Variants in PTPRD observed in about 807,000 individuals in gnomAD.
The protein encoded by PTPRD is protein tyrosine phosphatase receptor type D, also known as receptor-type tyrosine-protein phosphatase delta.
Under a neutral mutation model 214.5 loss-of-function variants are expected in PTPRD, and 34 were observed. The observed-to-expected ratio is 0.16, with a 90% CI of 0.12 to 0.21. The LOEUF (loss-of-function observed/expected upper bound fraction) is 0.21. Among genes scored for constraint, PTPRD ranks in the 10% least tolerant of loss-of-function variants. The probability of loss-of-function intolerance (pLI) is 1.00; values close to 1 mark genes in which losing one functional copy is unlikely to be tolerated. For synonymous variants in PTPRD, 1,128 were observed against 845.7 expected, an observed-to-expected ratio of 1.33 and a Z score of -5.79; for missense variants, 2,545 against 2,398.7, an observed-to-expected ratio of 1.06 and a Z score of -1.27.
In PTPRD at chr9:8,383,350, G is replaced by A. The variant is rs117530128; in HGVS notation, c.4386+5882C>T. ...TCATTAGGTCAGAAGTGTTCCACCA[G>A]CCAAATGTCAAGTTCCCTAAACTGT... On this transcript the variant is annotated intron_variant, in intron 37 of 45. Transcript: ENST00000381196. Among the ~76,000 whole-genome samples, 605 of 152,254 alleles carry A rather than the reference G, an allele frequency of 4.0e-3. 2 individuals are homozygous for A. The highest frequency in any genetic ancestry group is 6.4e-3 in the Non-Finnish European group (437 of 68,020).
intron 12 of PTPRD, among the ~76,000 whole-genome samples, chr9:8,681,955 C>A (rs887414372): frequency 3.9e-5 from 6 of 152,098 alleles, no homozygotes; most frequent in African/African-American, 1.2e-4. Context: ...TAGGAGAAGA[C>A]AATGGAAATC....
At chr9:9,394,720 G>A (rs1443137553) in intron 9 of PTPRD, among the ~76,000 whole-genome samples, 2 of 151,944 alleles carry the variant, frequency 1.3e-5, no homozygotes, top group Non-Finnish European at 2.9e-5. Context: ...ATACATTATT[G>A]ATTTAAAGAA....
chr9:10,515,415 C>T (rs946520217), intron 2 of PTPRD, among the ~76,000 whole-genome samples: 3 of 92,844 alleles, frequency 3.2e-5, no homozygotes, highest in Non-Finnish European at 8.9e-5. Flanking sequence ...AAGGGCAACG[C>T]CATTTGGCGA....
rs149891100 is a variant in PTPRD, at chr9:10,531,731, G to C, written c.-600+80667C>G. Reference sequence around the variant, plus strand: ...ATGGCTCAACTGGGTGCAATTTTCTGTGTTCATTTAGTGTTTCTCCATGAC... The same window carrying C: ...ATGGCTCAACTGGGTGCAATTTTCTCTGTTCATTTAGTGTTTCTCCATGAC... On this transcript the variant is annotated intron_variant, in intron 2 of 45. Coordinates refer to ENST00000381196, the MANE Select transcript of PTPRD (RefSeq NM_002839.4). 3.4e-3 allele frequency among the ~76,000 whole-genome samples: 524 copies of C among 152,254 alleles called. 1 individual carries two copies. Among genetic ancestry groups the C allele is most frequent in the Non-Finnish European group, 5.9e-3 (398 of 68,014 alleles).
At chr9:8,490,280 T>C (rs915951824) in intron 27 of PTPRD, among the ~76,000 whole-genome samples, 7 of 152,222 alleles carry the variant, frequency 4.6e-5, no homozygotes, top group African/African-American at 1.7e-4. Flanking sequence ...TACATTTTCT[T>C]ATTCTCTTAC....
intron 14 of PTPRD, among the ~76,000 whole-genome samples, chr9:8,607,566 C>G (rs557490814): frequency 9.2e-5 from 14 of 152,196 alleles, no homozygotes; most frequent in African/African-American, 3.4e-4. Flanking sequence ...TTGCTTGAGC[C>G]CGGGAGGGAG....
At chr9:9,242,957 C>G (rs558232229) in intron 9 of PTPRD, among the ~76,000 whole-genome samples, 8 of 151,948 alleles carry the variant, frequency 5.3e-5, no homozygotes, top group Admixed American at 5.2e-4. Context: ...TGTTTTTTTC[C>G]CCATCTTTGT....
intron 8 of PTPRD, among the ~76,000 whole-genome samples, chr9:9,526,811 C>A (rs694959): frequency 0.83 from 126,342 of 152,102 alleles, 53,864 homozygotes; most frequent in East Asian, 1. Flanking sequence ...GTTCTGATTT[C>A]TGGTCACCTA....
chr9:9,562,707 C>T (rs1186838968), intron 8 of PTPRD, among the ~76,000 whole-genome samples: 2 of 152,010 alleles, frequency 1.3e-5, no homozygotes, highest in Non-Finnish European at 2.9e-5. Context: ...CAAATTTGCC[C>T]AAATCTGTTG....
intron 2 of PTPRD, among the ~76,000 whole-genome samples, chr9:10,381,115 A>G (rs1339653922): frequency 6.6e-6 from 1 of 151,884 alleles, no homozygotes; most frequent in East Asian, 1.9e-4. Flanking sequence ...AAAAAAAGAC[A>G]AAAAGTAACC....
intron 10 of PTPRD, among the ~76,000 whole-genome samples, chr9:9,043,342 C>A (rs891519480): frequency 2.3e-4 from 35 of 152,086 alleles, no homozygotes; most frequent in Non-Finnish European, 4.6e-4. Flanking sequence ...ATTTTAAGAG[C>A]ACCTTTGTTA....
At chr9:8,559,228 TG>T (rs1159703617) in intron 14 of PTPRD, among the ~76,000 whole-genome samples, 3 of 152,220 alleles carry the variant, frequency 2.0e-5, no homozygotes, top group African/African-American at 7.2e-5. Flanking sequence ...AGTAATTCGT[TG>T]TTTATTTCAA....
chr9:8,827,364 T>C (rs2154528611), intron 11 of PTPRD, among the ~76,000 whole-genome samples: 1 of 152,322 alleles, frequency 6.6e-6, no homozygotes, highest in South Asian at 2.1e-4. Context: ...CCCAGCACTT[T>C]GGGAGGCCAA....
chr9:9,077,376 T>TG (rs2099752829), intron 10 of PTPRD, among the ~76,000 whole-genome samples: 1 of 40,030 alleles, frequency 2.5e-5, no homozygotes, highest in Non-Finnish European at 6.6e-5. Flanking sequence ...TTCAGGTGAC[T>TG]GAAAATGTTA....
intron 11 of PTPRD, among the ~76,000 whole-genome samples, chr9:8,934,260 T>G (rs1588344982): frequency 6.7e-6 from 1 of 149,884 alleles, no homozygotes; most frequent in East Asian, 2.0e-4. Context: ...AACATAAAAT[T>G]AAGTGAAGGC....
At chr9:8,848,490 C>A (rs989120105) in intron 11 of PTPRD, among the ~76,000 whole-genome samples, 1 of 140,544 alleles carries the variant, frequency 7.1e-6, no homozygotes, top group Admixed American at 7.4e-5. Flanking sequence ...TGCACACCAC[C>A]GTATCTGGCA....
intron 9 of PTPRD, among the ~76,000 whole-genome samples, chr9:9,308,239 C>T (rs762778589): frequency 6.6e-6 from 1 of 152,150 alleles, no homozygotes; most frequent in Non-Finnish European, 1.5e-5. Context: ...CAACTAATGA[C>T]ACAGAACTCA....
At chr9:9,107,827 A>G (rs2099800821) in intron 10 of PTPRD, among the ~76,000 whole-genome samples, 1 of 152,154 alleles carries the variant, frequency 6.6e-6, no homozygotes, top group Non-Finnish European at 1.5e-5. Context: ...TGATGACTCA[A>G]AAGCACTCTC....
chr9:9,698,719 G>A (rs2097430431), intron 7 of PTPRD, among the ~76,000 whole-genome samples: 1 of 152,154 alleles, frequency 6.6e-6, no homozygotes, highest in Non-Finnish European at 1.5e-5. Context: ...GCACCCAAGA[G>A]GTTGAAAAGC....
Sources: gnomAD v4.1 joint callset for allele counts (sites outside exome capture counted in the v4.1 genomes callset) on GRCh38, gnomAD v4.1.1 for gene constraint, MANE v1.5 for transcripts, NCBI Gene and HGNC (gene_info 2026-07-23, HGNC 2026-07-21) for gene names.